The following CAPN5 variants were observed in gnomAD, a reference collection of about 807,000 sequenced individuals.
The protein encoded by CAPN5 is calpain 5, also known as calpain-5.
CAPN5 carries 54 observed loss-of-function variants against 73.0 expected under a neutral mutation model. The ratio of observed to expected loss-of-function variants is 0.74; its 90% CI spans 0.59 to 0.93. CAPN5 has a LOEUF of 0.93. CAPN5 is among the 40% of genes least tolerant of loss of function. The pLI, the probability that CAPN5 is intolerant of heterozygous loss-of-function variation, is 0.00. For missense variants in CAPN5, 785 were observed against 882.9 expected (o/e 0.89, Z 1.41); for synonymous variants, 335 against 356.9 (o/e 0.94, Z 0.69).
At chr11:77,085,116 G>T in intron 2 of CAPN5, 65 bp downstream of exon 2, 1 of 1,443,534 alleles carries the variant, frequency 6.9e-7, no homozygotes, top group Non-Finnish European at 9.6e-7. Context: ...GGCTGGGCCT[G>T]CAGGGACATC....
intron 1 of CAPN5, among the ~76,000 whole-genome samples, chr11:77,071,388 G>T (rs536260979): frequency 1.3e-5 from 2 of 152,336 alleles, no homozygotes; most frequent in East Asian, 1.9e-4. Flanking sequence ...AGCGTGCTGG[G>T]CCTTTCAGGG....
rs569461588 is a variant in CAPN5, at chr11:77,085,148, C to T, written c.165+97C>T. ...CATCGGGGTGGTGGGAGGAGGCATC[C>T]CTGGCCCCAGGCTGCTGAGAAAGTG... On this transcript the variant is annotated intron_variant, in intron 2 of 12. Coordinates refer to ENST00000648180, the MANE Select transcript of CAPN5 (RefSeq NM_004055.5). The T allele has an allele frequency of 5.6e-6, 6 of 1,066,506 alleles. No homozygotes were observed. The East Asian group carries it at 1.2e-4, about 22-fold the overall frequency. 66.1% of individuals were successfully genotyped at this position (1,066,506 alleles called of 1,614,324 possible).
intron 2 of CAPN5, chr11:77,088,166 G>A: frequency 4.0e-6 from 5 of 1,247,800 alleles, no homozygotes; most frequent in South Asian, 3.1e-5. Context: ...GGAATGCACA[G>A]GGGACAAGGT....
At position 77,122,066 on chromosome 11, in the gene CAPN5, A is replaced by G. The variant is rs781846901; in HGVS notation, c.1603+17A>G. 1.3e-5 allele frequency: 19 copies of G among 1,459,764 alleles called. No homozygotes were observed. In the Admixed American group the frequency reaches 2.8e-4, roughly 22 times the overall value. 90.4% of individuals were successfully genotyped at this position (1,459,764 alleles called of 1,614,324 possible). A position where few individuals can be genotyped will look rare whatever the true frequency, so the allele number is the denominator to read the frequency against. Reference sequence around the variant, plus strand: ...CCCCAACAGGTGAGCTCTCCCAGGGAGAGTCCCCCGGCCCTCCTGCCAGTT... The same window carrying G: ...CCCCAACAGGTGAGCTCTCCCAGGGGGAGTCCCCCGGCCCTCCTGCCAGTT... On this transcript the variant is annotated intron_variant, in intron 11 of 12. Coordinates refer to ENST00000648180, the MANE Select transcript of CAPN5 (RefSeq NM_004055.5).
chr11:77,094,147 T>A (rs1289714875), intron 3 of CAPN5, among the ~76,000 whole-genome samples: 2 of 152,208 alleles, frequency 1.3e-5, no homozygotes, highest in Non-Finnish European at 2.9e-5. Flanking sequence ...CAGACACCAC[T>A]GATGGGGCTC....
At chr11:77,119,291 A>G (rs1950500278) in intron 9 of CAPN5, 139 bp downstream of exon 9, 8 of 924,162 alleles carry the variant, frequency 8.7e-6, no homozygotes, top group Non-Finnish European at 1.3e-5. Context: ...CATTGTGAGG[A>G]TGCCGTGGCA....
intron 5 of CAPN5, among the ~76,000 whole-genome samples, chr11:77,114,791 A>G (rs903206532): frequency 2.1e-4 from 32 of 152,206 alleles, no homozygotes; most frequent in African/African-American, 7.2e-4. Flanking sequence ...TGTGCTGGTA[A>G]ACTGCCTCCA....
chr11:77,093,884 A>T, intron 3 of CAPN5, 71 bp downstream of exon 3: 1 of 1,566,960 alleles, frequency 6.4e-7, no homozygotes, highest in Non-Finnish European at 8.7e-7. Context: ...ACTGCCAGAC[A>T]GGCGGAACCT....
At chr11:77,096,538 G>A (rs1266270185) in intron 3 of CAPN5, among the ~76,000 whole-genome samples, 2 of 152,198 alleles carry the variant, frequency 1.3e-5, no homozygotes, top group Non-Finnish European at 2.9e-5. Flanking sequence ...CTGCTCCTAC[G>A]GGATCCCTGA....
intron 3 of CAPN5, among the ~76,000 whole-genome samples, chr11:77,103,856 A>G (rs982700695): frequency 4.6e-5 from 7 of 152,042 alleles, no homozygotes; most frequent in Admixed American, 2.0e-4. Flanking sequence ...CACGTCGACA[A>G]CCCTCAGGAT....
chr11:77,125,526 A>T lies in CAPN5; in HGVS notation c.*1656A>T, dbSNP rs546754524. The T allele has an allele frequency of 3.3e-5, 5 of 151,724 alleles. No homozygotes were observed. Among genetic ancestry groups the T allele is most frequent in the Non-Finnish European group, 5.9e-5 (4 of 67,964 alleles). The allele number at this position is 151,724 out of a possible 1,614,324, so 9.4% of individuals were successfully genotyped here. On this transcript the variant is annotated 3_prime_UTR_variant, in exon 13 of 13. Transcript: ENST00000648180. Reference sequence around the variant, plus strand: ...CCCCTTCTACAAAGTGGGGCCAATGATTCTTGTGTGTCAGCACTGTTACTA... The same window carrying T: ...CCCCTTCTACAAAGTGGGGCCAATGTTTCTTGTGTGTCAGCACTGTTACTA...
intron 1 of CAPN5, among the ~76,000 whole-genome samples, chr11:77,067,594 G>A (rs1281019059): frequency 6.6e-6 from 1 of 150,968 alleles, no homozygotes; most frequent in Non-Finnish European, 1.5e-5. Context: ...TCCCCAGGTT[G>A]AAAGGGGGCT....
chr11:77,114,062 G>A (rs1378634918), intron 4 of CAPN5, among the ~76,000 whole-genome samples, 180 bp from the exon 5 acceptor site: 1 of 150,552 alleles, frequency 6.6e-6, no homozygotes, highest in Non-Finnish European at 1.5e-5. Context: ...GGGAATTTAA[G>A]CCTTATATGT....
intron 2 of CAPN5, chr11:77,088,082 C>T (rs1555035883): frequency 6.6e-7 from 1 of 1,520,950 alleles, no homozygotes; most frequent in Non-Finnish European, 8.8e-7. Flanking sequence ...TCCTGTCACC[C>T]TGTGGGGGCA....
chr11:77,085,896 C>A (rs1241637715), intron 2 of CAPN5, among the ~76,000 whole-genome samples: 1 of 152,178 alleles, frequency 6.6e-6, no homozygotes, highest in Non-Finnish European at 1.5e-5. Context: ...CGTCCCCTCA[C>A]AATGCGGGAG....
intron 3 of CAPN5, chr11:77,103,193 T>G: frequency 6.2e-7 from 1 of 1,613,732 alleles, no homozygotes; most frequent in Non-Finnish European, 8.5e-7. Flanking sequence ...TAGATTGGAA[T>G]GAGGCCGACG....
rs372529752 is a variant in CAPN5 at position 77,080,619 on chromosome 11, G to A, written c.-35-4233G>A. On this transcript the variant is annotated intron_variant, in intron 1 of 12. Transcript: ENST00000648180. ...TCCTGTACACAGCCAGGCTGTCCCCGCTACCTCCAGCAGGTCCAGGGAACA... is the reference window on the plus strand; with the variant it reads ...TCCTGTACACAGCCAGGCTGTCCCCACTACCTCCAGCAGGTCCAGGGAACA... 7.2e-5 allele frequency among the ~76,000 whole-genome samples: 11 copies of A among 152,170 alleles called. No individual in the cohort carries two copies. The East Asian group carries it at 9.6e-4, about 13-fold the overall frequency.
At position 77,093,592 on chromosome 11, in the gene CAPN5, CTGTCACGTCTGT is replaced by C. The variant is rs566360118; in HGVS notation, c.166-89_166-78del. ...TGATGATCACACAGCAAGTCTGTGT[CTGTCACGTCTGT>C]GTCTGTCATGTCTCCTGCCATGGGG... On this transcript the variant is annotated intron_variant, in intron 2 of 12. Coordinates refer to ENST00000648180, the MANE Select transcript of CAPN5 (RefSeq NM_004055.5). 7.0e-4 allele frequency: 530 copies of C among 762,286 alleles called. 1 individual carries two copies. Among genetic ancestry groups the C allele is most frequent in the Admixed American group, 9.2e-4 (30 of 32,522 alleles). 47.2% of individuals were successfully genotyped at this position (762,286 alleles called of 1,614,324 possible).
chr11:77,098,351 A>T (rs1470045713), intron 3 of CAPN5, among the ~76,000 whole-genome samples: 2 of 104,122 alleles, frequency 1.9e-5, no homozygotes, highest in African/African-American at 7.6e-5. Flanking sequence ...TCCCTCCGGG[A>T]CGGGGCAGCT....
Sources: gnomAD v4.1 joint callset for allele counts (sites outside exome capture counted in the v4.1 genomes callset) on GRCh38, gnomAD v4.1.1 for gene constraint, MANE v1.5 for transcripts, NCBI Gene and HGNC (gene_info 2026-07-23, HGNC 2026-07-21) for gene names.